The following RAB3B variants were observed in gnomAD, a reference collection of about 807,000 sequenced individuals.
The protein encoded by RAB3B is RAB3B, member RAS oncogene family.
RAB3B carries 11 observed loss-of-function variants against 20.5 expected under a neutral mutation model. That is an observed-to-expected ratio of 0.54 (90% CI 0.34 to 0.89). The LOEUF is 0.89. RAB3B is among the 40% of genes least tolerant of loss of function. The pLI, the probability that RAB3B is intolerant of heterozygous loss-of-function variation, is 0.02. For synonymous variants in RAB3B, 99 were observed against 106.3 expected (o/e 0.93, Z 0.42); for missense variants, 225 against 280.9 (o/e 0.80, Z 1.42).
Position 51,985,363 on chromosome 1 carries a change from T to A in RAB3B, c.-1+5189A>T, listed in dbSNP as rs557009840. On this transcript the variant is annotated intron_variant, in intron 1 of 4. Coordinates refer to ENST00000371655, the MANE Select transcript of RAB3B (RefSeq NM_002867.4). The stretch of plus-strand genomic sequence containing the variant: ...CAACGCTAGACCTACAGTAAATCCT[T>A]AGAGGGTGTTATGTCTTTCAAGAAA... Among the ~76,000 whole-genome samples the A allele has an allele frequency of 3.9e-5, 6 of 152,280 alleles. No homozygotes were observed. The East Asian group carries it at 1.2e-3, about 29-fold the overall frequency.
chr1:51,989,103 G>GCGCGCGCGCACACACA (rs377673682), intron 1 of RAB3B, among the ~76,000 whole-genome samples: 1 of 132,676 alleles, frequency 7.5e-6, no homozygotes, highest in Non-Finnish European at 1.6e-5. Context: ...CTGTGCGCGC[G>GCGCGCGCGCACACACA]CACACACACA....
chr1:51,935,522 A>G (rs1053652870), intron 3 of RAB3B, among the ~76,000 whole-genome samples: 1 of 152,114 alleles, frequency 6.6e-6, no homozygotes, highest in African/African-American at 2.4e-5. Context: ...TCTTTCTTTC[A>G]TCTTCCTCCC....
intron 2 of RAB3B, among the ~76,000 whole-genome samples, chr1:51,949,205 C>T (rs564170731): frequency 6.6e-5 from 10 of 152,378 alleles, no homozygotes; most frequent in South Asian, 2.1e-4. Flanking sequence ...GCAGCTCCTT[C>T]GCACCCCTGG....
chr1:51,962,804 G>A (rs1684801556), intron 2 of RAB3B, among the ~76,000 whole-genome samples: 1 of 152,078 alleles, frequency 6.6e-6, no homozygotes, highest in African/African-American at 2.4e-5. Context: ...CTGAGGACAT[G>A]GCTTCTCCTA....
rs557509599 is a variant in RAB3B at position 51,932,602 on chromosome 1, C to T, written c.472+716G>A. On this transcript the variant is annotated intron_variant, in intron 4 of 4. Coordinates refer to ENST00000371655, the MANE Select transcript of RAB3B (RefSeq NM_002867.4). The stretch of plus-strand genomic sequence containing the variant: ...ATAGTTTTGTTCCTTCATACTATTA[C>T]TTTTGTTGTGAATTGTGTTTTGGTG... Among the ~76,000 whole-genome samples, 15 of 152,240 alleles carry T rather than the reference C, an allele frequency of 9.9e-5. No individual in the cohort carries two copies. In the East Asian group the frequency reaches 2.7e-3, roughly 27 times the overall value.
chr1:51,969,078 T>C (rs1684893864), intron 2 of RAB3B, among the ~76,000 whole-genome samples: 1 of 152,186 alleles, frequency 6.6e-6, no homozygotes, highest in Non-Finnish European at 1.5e-5. Flanking sequence ...GCAGATCACT[T>C]GAGCTCAGGA....
At chr1:51,921,438 G>T (rs902036408) in intron 4 of RAB3B, among the ~76,000 whole-genome samples, 1 of 152,150 alleles carries the variant, frequency 6.6e-6, no homozygotes, top group African/African-American at 2.4e-5. Flanking sequence ...GCGGAAACTG[G>T]ATTTAGACCT....
intron 2 of RAB3B, among the ~76,000 whole-genome samples, chr1:51,939,982 A>C (rs922811546): frequency 6.6e-6 from 1 of 152,262 alleles, no homozygotes; most frequent in Non-Finnish European, 1.5e-5. Flanking sequence ...TATAGTTATA[A>C]TAAAAATAAA....
intron 2 of RAB3B, among the ~76,000 whole-genome samples, chr1:51,941,413 A>G (rs1684492136): frequency 6.6e-6 from 1 of 152,126 alleles, no homozygotes; most frequent in Non-Finnish European, 1.5e-5. Flanking sequence ...GAAGGAGAAG[A>G]GATAGGAGGC....
intron 4 of RAB3B, among the ~76,000 whole-genome samples, chr1:51,923,223 G>C (rs1684197060): frequency 6.6e-6 from 1 of 152,304 alleles, no homozygotes; most frequent in East Asian, 1.9e-4. Context: ...GGAAAACTGA[G>C]ACTCAGAGAT....
At position 51,973,498 on chromosome 1, in the gene RAB3B, G is replaced by A. The variant is rs2124307302; in HGVS notation, c.228+3392C>T. 4 of 152,270 alleles carry A rather than the reference G, an allele frequency of 2.6e-5. No homozygotes were observed. In the South Asian group the frequency reaches 8.3e-4, roughly 32 times the overall value. 9.4% of individuals were successfully genotyped at this position (152,270 alleles called of 1,614,324 possible). On this transcript the variant is annotated intron_variant, in intron 2 of 4. Coordinates refer to ENST00000371655, the MANE Select transcript of RAB3B (RefSeq NM_002867.4). ...GGGCCTGGTTAGTACTTGGATGGGAGATTGACTATGTCGTATCTAATTAGA... is the reference window on the plus strand; with the variant it reads ...GGGCCTGGTTAGTACTTGGATGGGAAATTGACTATGTCGTATCTAATTAGA...
intron 4 of RAB3B, among the ~76,000 whole-genome samples, chr1:51,933,044 T>TA (rs574981989): frequency 8.3e-4 from 125 of 150,894 alleles, no homozygotes; most frequent in Middle Eastern, 3.4e-3. Context: ...AAGGAACTGG[T>TA]AAAAAAAAAG....
In RAB3B at chr1:51,973,243, G is replaced by A. The variant is rs553421786; in HGVS notation, c.228+3647C>T. Reference sequence around the variant, plus strand: ...TCTATATGTCTACTTCTATACACAAGATATTAAAATATATAAAATTAAAAT... The same window carrying A: ...TCTATATGTCTACTTCTATACACAAAATATTAAAATATATAAAATTAAAAT... On this transcript the variant is annotated intron_variant, in intron 2 of 4. Coordinates refer to ENST00000371655, the MANE Select transcript of RAB3B (RefSeq NM_002867.4). 9.2e-5 allele frequency among the ~76,000 whole-genome samples: 14 copies of A among 152,126 alleles called. No individual in the cohort carries two copies. The South Asian group carries it at 2.9e-3, about 32-fold the overall frequency.
intron 4 of RAB3B, among the ~76,000 whole-genome samples, chr1:51,931,737 C>T (rs1412148738): frequency 6.6e-6 from 1 of 151,958 alleles, no homozygotes; most frequent in African/African-American, 2.4e-5. Flanking sequence ...AAATAAAGAG[C>T]TCTGGCAGGG....
At chr1:51,975,264 C>G (rs1212354658) in intron 2 of RAB3B, among the ~76,000 whole-genome samples, 1 of 152,098 alleles carries the variant, frequency 6.6e-6, no homozygotes, top group Non-Finnish European at 1.5e-5. Flanking sequence ...TACTTTAAAT[C>G]ACAAATTTTC....
chr1:51,948,060 C>CTTGAGT (rs1400344399), intron 2 of RAB3B, among the ~76,000 whole-genome samples: 3 of 152,170 alleles, frequency 2.0e-5, no homozygotes, highest in African/African-American at 7.2e-5. Context: ...GGCAGCCCTC[C>CTTGAGT]AAATATTCAA....
chr1:51,936,775 G>T (rs935498423), intron 3 of RAB3B, among the ~76,000 whole-genome samples: 1 of 151,206 alleles, frequency 6.6e-6, no homozygotes, highest in Non-Finnish European at 1.5e-5. Flanking sequence ...CTGATGCCTC[G>T]CTTCATCACT....
At chr1:51,938,496 T>G (rs1684441538) in intron 2 of RAB3B, among the ~76,000 whole-genome samples, 1 of 107,114 alleles carries the variant, frequency 9.3e-6, no homozygotes, top group African/African-American at 3.1e-5. Flanking sequence ...TGTAAGAATT[T>G]TTATGTAAGT....
chr1:51,944,404 C>T (rs1684536824), intron 2 of RAB3B, among the ~76,000 whole-genome samples: 1 of 152,196 alleles, frequency 6.6e-6, no homozygotes, highest in Non-Finnish European at 1.5e-5. Context: ...AACACAACAT[C>T]CATTCTGCAG....
Sources: allele counts gnomAD v4.1 joint callset (sites outside exome capture counted in the v4.1 genomes callset), GRCh38; gene constraint gnomAD v4.1.1; transcripts MANE v1.5; gene names NCBI Gene and HGNC (gene_info 2026-07-23, HGNC 2026-07-21).